The following SV2C variants were observed in gnomAD, a reference collection of about 807,000 sequenced individuals.
SV2C encodes the protein solute carrier family 22 member B3.
SV2C carries 49 observed loss-of-function variants against 79.7 expected under a neutral mutation model. That is an observed-to-expected ratio of 0.61 (90% CI 0.49 to 0.78). The LOEUF (loss-of-function observed/expected upper bound fraction) is 0.78, where lower values mean the gene tolerates loss of function less well. Among genes scored for constraint, SV2C ranks in the 30% least tolerant of loss-of-function variants. The pLI, the probability that SV2C is intolerant of heterozygous loss-of-function variation, is 0.00. For synonymous variants in SV2C, 334 were observed against 333.2 expected, an observed-to-expected ratio of 1.00 and a Z score of -0.03; for missense variants, 833 against 912.9, an observed-to-expected ratio of 0.91 and a Z score of 1.13.
chr5:75,980,808 A>G, the SV2C span, among the ~76,000 whole-genome samples: 1 of 152,182 alleles, frequency 6.6e-6, no homozygotes, highest in African/African-American at 2.4e-5. Flanking sequence ...GGCACAAGGA[A>G]AGGATGCTCT....
At chr5:75,912,838 A>G in the SV2C span, among the ~76,000 whole-genome samples, 4 of 152,260 alleles carry the variant, frequency 2.6e-5, no homozygotes, top group Admixed American at 2.0e-4. Context: ...ATAAATCCAA[A>G]GTAAGGTACT....
intron 4 of SV2C, among the ~76,000 whole-genome samples, chr5:76,281,550 T>C (rs1331476472): frequency 6.6e-6 from 1 of 152,238 alleles, no homozygotes; most frequent in Non-Finnish European, 1.5e-5. Flanking sequence ...GCTATAAGCA[T>C]GTTGGCTTTA....
chr5:76,089,774 G>A (rs1747310981), intron 1 of SV2C, among the ~76,000 whole-genome samples: 1 of 152,162 alleles, frequency 6.6e-6, no homozygotes, highest in Non-Finnish European at 1.5e-5. Context: ...TTTCTCTAAT[G>A]ATCAGATATG....
At chr5:76,036,192 T>G in the SV2C span, among the ~76,000 whole-genome samples, 1 of 151,928 alleles carries the variant, frequency 6.6e-6, no homozygotes. Flanking sequence ...TCTTGACTCT[T>G]TATCCAATTT....
At chr5:76,174,604 T>C (rs67940529) in intron 2 of SV2C, among the ~76,000 whole-genome samples, 17,035 of 152,282 alleles carry the variant, frequency 0.11, 1,057 homozygotes, top group Middle Eastern at 0.14. Flanking sequence ...AAGGCCCAGA[T>C]AGTGAATACG....
At chr5:76,335,945 C>G (rs1191949422), downstream of SV2C, among the ~76,000 whole-genome samples, 13 of 152,210 alleles carry the variant, frequency 8.5e-5, no homozygotes, top group African/African-American at 3.1e-4. Flanking sequence ...GGTACACCTC[C>G]CAGACAGGGT....
At chr5:75,972,083 C>T in the SV2C span, among the ~76,000 whole-genome samples, 1 of 152,066 alleles carries the variant, frequency 6.6e-6, no homozygotes, top group Non-Finnish European at 1.5e-5. Flanking sequence ...GGAAAGGATT[C>T]CCTCTTTAAT....
chr5:76,353,326 T>C (rs879297896), exon 13 of SV2C: 2 of 218,270 alleles, frequency 9.2e-6, no homozygotes, highest in African/African-American at 4.7e-5. Context: ...TTAGTAGATT[T>C]CTTTATTGTT....
the SV2C span, among the ~76,000 whole-genome samples, chr5:75,863,283 G>A: frequency 6.6e-6 from 1 of 152,004 alleles, no homozygotes; most frequent in Non-Finnish European, 1.5e-5. Context: ...TACCACCAAA[G>A]AACTTATCCA....
intron 2 of SV2C, among the ~76,000 whole-genome samples, chr5:76,147,353 A>G (rs535125949): frequency 1.5e-4 from 23 of 152,322 alleles, no homozygotes; most frequent in Non-Finnish European, 3.2e-4. Context: ...GACTGGCAGT[A>G]CATCCTGTGT....
chr5:76,311,979 T>C (rs1424348928), intron 12 of SV2C, among the ~76,000 whole-genome samples: 1 of 152,344 alleles, frequency 6.6e-6, no homozygotes, highest in East Asian at 1.9e-4. Context: ...TCTCTTGAAG[T>C]CTTCAAAATG....
At chr5:76,082,883 A>G (rs556790383), upstream of SV2C, among the ~76,000 whole-genome samples, 2 of 152,226 alleles carry the variant, frequency 1.3e-5, no homozygotes, top group East Asian at 3.9e-4. Flanking sequence ...GTCGAAGTGA[A>G]CAAGTCAGTC....
intron 2 of SV2C, among the ~76,000 whole-genome samples, chr5:76,187,431 A>C (rs1743955531): frequency 6.6e-6 from 1 of 152,128 alleles, no homozygotes; most frequent in Non-Finnish European, 1.5e-5. Context: ...TGGACCAGCA[A>C]ACTTAAATGT....
In SV2C at chr5:76,184,115, A is replaced by C. The variant is rs559737513; in HGVS notation, c.581-10804A>C. ...CCAAAACCTTGGTGTTAAGCTTCACATTGCCTCTTGGATAGAGAAGAAATA... is the reference window on the plus strand; with the variant it reads ...CCAAAACCTTGGTGTTAAGCTTCACCTTGCCTCTTGGATAGAGAAGAAATA... On this transcript the variant is annotated intron_variant, in intron 2 of 12. Transcript: ENST00000502798. 2.0e-5 allele frequency among the ~76,000 whole-genome samples: 3 copies of C among 152,350 alleles called. No homozygotes were observed. In the East Asian group the frequency reaches 5.8e-4, roughly 29 times the overall value.
the SV2C span, among the ~76,000 whole-genome samples, chr5:75,931,929 C>T: frequency 6.6e-6 from 1 of 152,300 alleles, no homozygotes; most frequent in Admixed American, 6.5e-5. Flanking sequence ...CATCCGGCAT[C>T]CCTCACCTGA....
At chr5:75,937,363 A>G in the SV2C span, among the ~76,000 whole-genome samples, 5 of 152,132 alleles carry the variant, frequency 3.3e-5, no homozygotes, top group East Asian at 9.7e-4. Flanking sequence ...CCTCTTTTAC[A>G]TCTTCATCTT....
At chr5:76,265,492 G>A (rs564241037) in intron 4 of SV2C, among the ~76,000 whole-genome samples, 2 of 152,242 alleles carry the variant, frequency 1.3e-5, no homozygotes, top group East Asian at 3.9e-4. Context: ...GGTGCCACTG[G>A]GGTATGAAAA....
At chr5:76,305,921 C>T (rs1289990818) in intron 12 of SV2C, among the ~76,000 whole-genome samples, 1 of 152,170 alleles carries the variant, frequency 6.6e-6, no homozygotes, top group Non-Finnish European at 1.5e-5. Flanking sequence ...CTGAACATTC[C>T]AACCCTCTGG....
chr5:76,136,211 T>C (rs1310419527), intron 2 of SV2C, among the ~76,000 whole-genome samples: 2 of 152,250 alleles, frequency 1.3e-5, no homozygotes, highest in African/African-American at 4.8e-5. Context: ...GCTTCTTTTA[T>C]CCTTTTCAAG....
Sources: gnomAD v4.1 joint callset for allele counts (sites outside exome capture counted in the v4.1 genomes callset) on GRCh38, gnomAD v4.1.1 for gene constraint, MANE v1.5 for transcripts, NCBI Gene and HGNC (gene_info 2026-07-23, HGNC 2026-07-21) for gene names.